SLC17A1: variants seen among roughly 807,000 people sequenced by gnomAD.
The protein encoded by SLC17A1 is solute carrier family 17 member 1, also known as sodium-dependent phosphate transport protein 1.
A neutral mutation model predicts 53.5 loss-of-function variants in SLC17A1; 51 were observed. The observed-to-expected ratio is 0.95, with a 90% CI of 0.76 to 1.20. The LOEUF (loss-of-function observed/expected upper bound fraction) is 1.20. Among genes scored for constraint, SLC17A1 ranks in the 50% most tolerant of loss-of-function variants. The probability of loss-of-function intolerance (pLI) is 0.00; values close to 1 mark genes in which losing one functional copy is unlikely to be tolerated. For missense variants in SLC17A1, 538 were observed against 568.2 expected, an observed-to-expected ratio of 0.95 and a Z score of 0.54; for synonymous variants, 179 against 198.8, an observed-to-expected ratio of 0.90 and a Z score of 0.84.
At chr6:25,731,844 A>C in the SLC17A1 span, 11 of 1,602,656 alleles carry the variant, frequency 6.9e-6, no homozygotes, top group African/African-American at 1.3e-5. Flanking sequence ...GTGCTTGGCT[A>C]GTTCCCCAGG....
the SLC17A1 span, among the ~76,000 whole-genome samples, chr6:25,747,021 A>G: frequency 6.6e-6 from 1 of 152,250 alleles, no homozygotes; most frequent in Non-Finnish European, 1.5e-5. Flanking sequence ...GCTAAAAAGT[A>G]TCTTTGATTG....
chr6:25,768,542 C>T, the SLC17A1 span: 2 of 337,574 alleles, frequency 5.9e-6, no homozygotes, highest in Non-Finnish European at 4.3e-6. Flanking sequence ...AGCTAATCTT[C>T]CATGTTTCCT....
intron 10 of SLC17A1, among the ~76,000 whole-genome samples, chr6:25,803,693 G>A (rs571609658): frequency 6.6e-6 from 1 of 152,052 alleles, no homozygotes; most frequent in African/African-American, 2.4e-5. Context: ...AGTTTCTTTA[G>A]TTGTAAGGTA....
chr6:25,820,918 G>GAATGATAAAAGT (rs1764536760), intron 3 of SLC17A1, among the ~76,000 whole-genome samples: 3 of 130,330 alleles, frequency 2.3e-5, no homozygotes, highest in African/African-American at 8.5e-5. Flanking sequence ...AAAAAAAAAA[G>GAATGATAAAAGT]AATGATAAAA....
chr6:25,756,535 C>T, the SLC17A1 span, among the ~76,000 whole-genome samples: 7 of 152,236 alleles, frequency 4.6e-5, no homozygotes, highest in Middle Eastern at 3.4e-3. Context: ...GTAACTTTCT[C>T]GCAGGTGTAC....
At chr6:25,784,416 C>T (rs969756727) in intron 12 of SLC17A1, among the ~76,000 whole-genome samples, 1 of 152,082 alleles carries the variant, frequency 6.6e-6, no homozygotes, top group African/African-American at 2.4e-5. Flanking sequence ...CAGGAATCTT[C>T]CAATCATGGC....
At chr6:25,726,886 C>T in the SLC17A1 span, 10 of 1,597,208 alleles carry the variant, frequency 6.3e-6, no homozygotes, top group East Asian at 2.2e-5. Context: ...AACCGTGTAA[C>T]GCTGCAGAAG....
chr6:25,751,178 T>C, the SLC17A1 span, among the ~76,000 whole-genome samples: 1 of 152,228 alleles, frequency 6.6e-6, no homozygotes. Context: ...CATGAGTTTC[T>C]GGAGCAAGAC....
chr6:25,777,969 A>G (rs770462332), downstream of SLC17A1: 11 of 1,613,172 alleles, frequency 6.8e-6, no homozygotes, highest in Admixed American at 1.7e-5. Context: ...CTTTGCACAC[A>G]TAGCTGGAGC....
At chr6:25,775,912 C>A in the SLC17A1 span, among the ~76,000 whole-genome samples, 5 of 152,192 alleles carry the variant, frequency 3.3e-5, no homozygotes, top group African/African-American at 1.2e-4. Flanking sequence ...TACATGAGAA[C>A]CTTGCTGAGC....
chr6:25,733,996 A>G, the SLC17A1 span, among the ~76,000 whole-genome samples: 1 of 151,972 alleles, frequency 6.6e-6, no homozygotes, highest in South Asian at 2.1e-4. Context: ...TTGTATTTTT[A>G]GTAGAGACGG....
chr6:25,803,290 T>A (rs932534437), intron 10 of SLC17A1, among the ~76,000 whole-genome samples: 3 of 152,056 alleles, frequency 2.0e-5, no homozygotes, highest in African/African-American at 7.2e-5. Flanking sequence ...TAAATACATG[T>A]CCTCATTTCT....
At chr6:25,726,392 C>T in the SLC17A1 span, 3 of 1,614,164 alleles carry the variant, frequency 1.9e-6, no homozygotes, top group East Asian at 2.2e-5. Flanking sequence ...GGTGCGCCTG[C>T]CCCTATCCGC....
chr6:25,743,938 A>G, the SLC17A1 span, among the ~76,000 whole-genome samples: 2 of 152,258 alleles, frequency 1.3e-5, no homozygotes, highest in East Asian at 3.9e-4. Flanking sequence ...AGAGTGAGAA[A>G]AGTTTCCCAA....
rs1763668534 is a variant in SLC17A1, at chr6:25,798,910, A to C, written c.1279T>G (p.Ser427Ala). ...TGLILKQDPE[S>A]AWFKTFILMA... The stretch of plus-strand genomic sequence containing the variant: ...AGGATGAAGGTTTTAAACCAGGCGG[A>C]TTCCGGATCCTAAGGAATTAAAATT... Residue 427 changes from serine to alanine, a missense_variant, in exon 12 of 13, where the codon TCC becomes GCC. Physicochemically the swap from Ser to Ala is moderately conservative, Grantham distance 99. Coordinates refer to ENST00000244527, the MANE Select transcript of SLC17A1 (RefSeq NM_005074.5). The C allele has an allele frequency of 6.3e-7, 1 of 1,579,244 alleles. No homozygotes were observed. Among genetic ancestry groups the C allele is most frequent in the Non-Finnish European group, 8.7e-7 (1 of 1,155,558 alleles).
chr6:25,776,931 C>G, the SLC17A1 span: 12 of 1,613,428 alleles, frequency 7.4e-6, no homozygotes, highest in Middle Eastern at 9.9e-4. Flanking sequence ...ATCAGGAGCC[C>G]TTGTTAACTT....
intron 3 of SLC17A1, among the ~76,000 whole-genome samples, chr6:25,825,490 T>C (rs1296447184): frequency 6.6e-6 from 1 of 152,018 alleles, no homozygotes; most frequent in African/African-American, 2.4e-5. Flanking sequence ...ATTTGCATGG[T>C]TTCTGATAAG....
At chr6:25,762,002 A>G in the SLC17A1 span, 7 of 1,613,290 alleles carry the variant, frequency 4.3e-6, no homozygotes, top group African/African-American at 4.0e-5. Flanking sequence ...AGTGGGGGAC[A>G]TTTCCAGTGA....
At chr6:25,816,672 G>A (rs901054284) in intron 6 of SLC17A1, among the ~76,000 whole-genome samples, 3 of 152,246 alleles carry the variant, frequency 2.0e-5, no homozygotes, top group Non-Finnish European at 4.4e-5. Context: ...TAAGGAGAGC[G>A]TGAGATGCTA....
Sources: gnomAD v4.1 joint callset for allele counts (sites outside exome capture counted in the v4.1 genomes callset) on GRCh38, gnomAD v4.1.1 for gene constraint, MANE v1.5 for transcripts, NCBI Gene and HGNC (gene_info 2026-07-23, HGNC 2026-07-21) for gene names.